The following KCNN1 variants were observed in gnomAD, a reference collection of about 807,000 sequenced individuals.
The protein encoded by KCNN1 is small conductance calcium-activated potassium channel protein 1.
In KCNN1, 20 loss-of-function variants were observed where a neutral mutation model predicts 44.7. That is an observed-to-expected ratio of 0.45 (90% CI 0.32 to 0.65). The LOEUF is 0.65. Among genes scored for constraint, KCNN1 ranks in the 30% least tolerant of loss-of-function variants. The probability of loss-of-function intolerance (pLI) is 0.05; values close to 1 mark genes in which losing one functional copy is unlikely to be tolerated. For synonymous variants in KCNN1, 324 were observed against 341.7 expected, an observed-to-expected ratio of 0.95 and a Z score of 0.57; for missense variants, 632 against 785.3, an observed-to-expected ratio of 0.80 and a Z score of 2.33.
Position 17,993,462 on chromosome 19 carries a change from C to T in KCNN1, c.1308-28C>T. On this transcript the variant is annotated intron_variant, in intron 8 of 9. Transcript: ENST00000684775. The surrounding 1 kb of genome is among the most constrained non-coding windows in gnomAD (Gnocchi z 4.5). ...CAGCCTCCACGGGAACCTGCCTAAC[C>T]CCCTCCCCCAACCCCGTGTCCCCAC... The T allele has an allele frequency of 6.3e-7, 1 of 1,586,046 alleles. No individual in the cohort carries two copies. Among genetic ancestry groups the T allele is most frequent in the Non-Finnish European group, 8.6e-7 (1 of 1,157,106 alleles).
chr19:17,987,662 C>T (rs996809137), intron 5 of KCNN1, among the ~76,000 whole-genome samples: 2 of 151,976 alleles, frequency 1.3e-5, no homozygotes, highest in African/African-American at 4.8e-5. Context: ...TGCTTGTGCT[C>T]TAGGCCAACC....
intron 7 of KCNN1, 108 bp downstream of exon 7, chr19:17,989,951 CAGTT>C (rs1225913313): frequency 5.2e-6 from 8 of 1,539,084 alleles, no homozygotes; most frequent in African/African-American, 2.7e-5. Context: ...GACGGGTGGT[CAGTT>C]GGTTGGGGCC....
At chr19:17,979,920 G>T (rs2032342154) in intron 3 of KCNN1, among the ~76,000 whole-genome samples, 1 of 152,108 alleles carries the variant, frequency 6.6e-6, no homozygotes, top group Non-Finnish European at 1.5e-5. Context: ...GAAAAGTACA[G>T]TGAAGGGCTG....
intron 9 of KCNN1, among the ~76,000 whole-genome samples, chr19:17,997,579 A>C (rs1029423432): frequency 1.4e-5 from 2 of 145,576 alleles, no homozygotes; most frequent in African/African-American, 5.1e-5. Flanking sequence ...CCTGGGTTCA[A>C]GTGATTCTCC....
intron 5 of KCNN1, among the ~76,000 whole-genome samples, chr19:17,986,362 C>CAA (rs34295668): frequency 7.1e-6 from 1 of 140,384 alleles, no homozygotes; most frequent in Non-Finnish European, 1.6e-5. Context: ...AACTAAGTCT[C>CAA]AAAAAAAAAA....
At chr19:17,975,771 T>C (rs894784808) in intron 3 of KCNN1, among the ~76,000 whole-genome samples, 2 of 151,846 alleles carry the variant, frequency 1.3e-5, no homozygotes, top group Admixed American at 6.6e-5. Flanking sequence ...CAGGCTGGAG[T>C]GCAGTGATGC....
rs992620699 is a variant in KCNN1 at position 17,973,938 on chromosome 19, G to C, written c.50G>C (p.Gly17Ala). Reference sequence around the variant, plus strand: ...AGCGTGGGGCGGCCGCTGGGCAGCGGGCCGGGCGCCCTGGGACGAGACCCT... The same window carrying C: ...AGCGTGGGGCGGCCGCTGGGCAGCGCGCCGGGCGCCCTGGGACGAGACCCT... ...NGSVGRPLGS[G>A]PGALGRDPPD... The change falls in exon 2 of 10, where the codon GGG becomes GCG. Residue 17 changes from glycine (G) to alanine (A), a missense_variant. This residue lies in a region of KCNN1 where 235 missense variants were observed against 224.0 expected (regional missense o/e 1.05). Coordinates refer to ENST00000684775, the MANE Select transcript of KCNN1 (RefSeq NM_001386974.1). 8 of 1,556,720 alleles carry C rather than the reference G, an allele frequency of 5.1e-6. No individual in the cohort carries two copies.
chr19:17,972,851 G>A (rs933353131), intron 1 of KCNN1, among the ~76,000 whole-genome samples: 7 of 152,192 alleles, frequency 4.6e-5, no homozygotes, highest in East Asian at 1.9e-4. Flanking sequence ...ATCTTCCAGC[G>A]TTCAGCAAGT....
intron 1 of KCNN1, among the ~76,000 whole-genome samples, chr19:17,971,178 C>G (rs2032010079): frequency 6.6e-6 from 1 of 152,126 alleles, no homozygotes; most frequent in South Asian, 2.1e-4. Context: ...GCCACTGCAC[C>G]CAGCCAATGT....
At chr19:17,966,019 GCCTGCCTTCCTTCCTTCCTTCCTTCCTT>G (rs1220767539), upstream of KCNN1, among the ~76,000 whole-genome samples, 56 of 132,132 alleles carry the variant, frequency 4.2e-4, no homozygotes, top group African/African-American at 1.1e-3. Flanking sequence ...CTGCCTGCCT[GCCTGCCTTCCTTCCTTCCTTCCTTCCTT>G]CCTTCCTTCC....
chr19:17,989,067 A>C (rs1214603097), intron 6 of KCNN1, among the ~76,000 whole-genome samples: 3 of 152,172 alleles, frequency 2.0e-5, no homozygotes, highest in Non-Finnish European at 4.4e-5. Flanking sequence ...ATGCAATTTG[A>C]GAGCTGCCTG....
At chr19:17,982,592 C>T (rs1040083461) in intron 4 of KCNN1, 3 of 985,196 alleles carry the variant, frequency 3.0e-6, no homozygotes, top group Non-Finnish European at 2.4e-6. Flanking sequence ...TCCCACCCTC[C>T]GCTGAGCTGT....
rs1431288784 is a variant in KCNN1 at position 17,999,820 on chromosome 19, G to A, written c.*1414G>A. 1.1e-5 allele frequency: 4 copies of A among 360,002 alleles called. No individual in the cohort carries two copies. The highest frequency in any genetic ancestry group is 7.4e-5 in the East Asian group (1 of 13,458). 22.3% of individuals were successfully genotyped at this position (360,002 alleles called of 1,614,324 possible). A position where few individuals can be genotyped will look rare whatever the true frequency, so the allele number is the denominator to read the frequency against. On this transcript the variant is annotated 3_prime_UTR_variant, in exon 10 of 10. Transcript: ENST00000684775. Reference sequence around the variant, plus strand: ...AAGGCCATCCATCGCCTGGCTCAACGAGATAACTAGGCCGTGGCTGGTGCA... The same window carrying A: ...AAGGCCATCCATCGCCTGGCTCAACAAGATAACTAGGCCGTGGCTGGTGCA...
chr19:17,971,072 C>T (rs923871555), intron 1 of KCNN1, among the ~76,000 whole-genome samples: 9 of 151,842 alleles, frequency 5.9e-5, no homozygotes, highest in African/African-American at 1.5e-4. Context: ...TTAGTAGAGA[C>T]AGGATTTCGC....
chr19:17,982,484 G>C, intron 4 of KCNN1: 1 of 906,442 alleles, frequency 1.1e-6, no homozygotes, highest in Non-Finnish European at 1.3e-6. Flanking sequence ...CAGGCACAGG[G>C]ATGCCTCCCC....
intron 5 of KCNN1, among the ~76,000 whole-genome samples, chr19:17,986,669 T>G (rs76398747): frequency 0.012 from 1,888 of 152,324 alleles, 36 homozygotes; most frequent in African/African-American, 0.043. Context: ...GTTTTATTTT[T>G]ATGTTTTTAT....
At chr19:17,987,032 C>G (rs1457020762) in intron 5 of KCNN1, among the ~76,000 whole-genome samples, 1 of 151,716 alleles carries the variant, frequency 6.6e-6, no homozygotes, top group Non-Finnish European at 1.5e-5. Flanking sequence ...GTCTTGAACT[C>G]CCAACCTCAG....
At chr19:17,982,473 G>A in intron 4 of KCNN1, 1 of 842,142 alleles carries the variant, frequency 1.2e-6, no homozygotes, top group Non-Finnish European at 1.4e-6. Context: ...GGCGCAGGCA[G>A]CAGGCACAGG....
upstream of KCNN1, among the ~76,000 whole-genome samples, chr19:17,963,825 G>A (rs780149836): frequency 6.6e-6 from 1 of 151,502 alleles, no homozygotes; most frequent in Non-Finnish European, 1.5e-5. Flanking sequence ...TCCTGGGCTC[G>A]AGCGATCTTC....
Sources: allele counts gnomAD v4.1 joint callset (sites outside exome capture counted in the v4.1 genomes callset), GRCh38; gene constraint gnomAD v4.1.1; regional missense constraint gnomAD v4.1.1; non-coding constraint Gnocchi (gnomAD v3.1); transcripts MANE v1.5; gene names NCBI Gene and HGNC (gene_info 2026-07-23, HGNC 2026-07-21).